The following ZC3H7A variants were observed in gnomAD, a reference collection of about 807,000 sequenced individuals.
The protein encoded by ZC3H7A is zinc finger CCCH domain-containing protein 7A.
A neutral mutation model predicts 125.5 loss-of-function variants in ZC3H7A; 44 were observed. The ratio of observed to expected loss-of-function variants is 0.35; its 90% confidence interval spans 0.28 to 0.45. The LOEUF is 0.45. ZC3H7A is among the 20% of genes least tolerant of loss of function. The probability of loss-of-function intolerance (pLI) is 1.00; values close to 1 mark genes in which losing one functional copy is unlikely to be tolerated. For missense variants in ZC3H7A, 977 were observed against 1,170.7 expected, an observed-to-expected ratio of 0.83 and a Z score of 2.41; for synonymous variants, 399 against 391.2, an observed-to-expected ratio of 1.02 and a Z score of -0.23.
chr16:11,768,923 A>T, intron 11 of ZC3H7A, 108 bp downstream of exon 11: 1 of 1,115,070 alleles, frequency 9.0e-7, no homozygotes, highest in South Asian at 1.6e-5. Flanking sequence ...TTCCTGCAGC[A>T]CACACAAAAT....
intron 16 of ZC3H7A, 38 bp downstream of exon 16, chr16:11,763,440 C>T (rs2052788116): frequency 6.4e-7 from 1 of 1,561,206 alleles, no homozygotes; most frequent in Non-Finnish European, 8.7e-7. Context: ...CCTGTCTGCT[C>T]TTGAGGAGAC....
chr16:11,762,738 T>G lies in ZC3H7A; in HGVS notation c.2012A>C (p.His671Pro), dbSNP rs1396017266. The G allele has an allele frequency of 1.2e-6, 2 of 1,613,830 alleles. No individual in the cohort carries two copies. The highest frequency in any genetic ancestry group is 1.7e-6 in the Non-Finnish European group (2 of 1,179,982). The stretch of plus-strand genomic sequence containing the variant: ...TTTAGACTCTTGAGCAATAGCATCA[T>G]GTGAGATACCTGGGGAATGTACAAG... ...WIMQNETGIS[H>P]DAIAQESKRY... Residue 671 changes from histidine to proline, a missense_variant, in exon 17 of 23, where the codon CAT becomes CCT. Physicochemically the swap from His to Pro is moderately conservative, Grantham distance 77. Coordinates refer to ENST00000355758, the MANE Select transcript of ZC3H7A (RefSeq NM_014153.4).
At chr16:11,786,032 G>C (rs1363329029) in intron 1 of ZC3H7A, among the ~76,000 whole-genome samples, 1 of 152,190 alleles carries the variant, frequency 6.6e-6, no homozygotes, top group African/African-American at 2.4e-5. Context: ...AGAAGACTGA[G>C]GCTGGAAAAG....
At chr16:11,782,517 G>T in intron 1 of ZC3H7A, 129 bp from the exon 2 acceptor site, 1 of 744,774 alleles carries the variant, frequency 1.3e-6, no homozygotes, top group Non-Finnish European at 2.2e-6. Flanking sequence ...TGACTCCAGG[G>T]TCCTGGACGG....
chr16:11,760,122 G>GAAAAAAAAAAAAAAAT (rs2052723192), intron 19 of ZC3H7A, among the ~76,000 whole-genome samples: 1 of 82,532 alleles, frequency 1.2e-5, no homozygotes, highest in Non-Finnish European at 2.1e-5. Context: ...AAGAAAAAAT[G>GAAAAAAAAAAAAAAAT]AAAAAAAAAA....
chr16:11,768,637 C>T (rs1458519846), intron 11 of ZC3H7A, 136 bp from the exon 12 acceptor site: 1 of 754,030 alleles, frequency 1.3e-6, no homozygotes, highest in Non-Finnish European at 1.9e-6. Context: ...ATCCTTAATG[C>T]TCTTCTATCT....
rs990318293 is a variant in ZC3H7A at position 11,750,715 on chromosome 16, G to C, written c.*602C>G. The C allele has an allele frequency of 6.6e-6, 1 of 152,526 alleles. No homozygotes were observed. Among genetic ancestry groups the C allele is most frequent in the African/African-American group, 2.4e-5 (1 of 41,348 alleles). 9.4% of individuals were successfully genotyped at this position (152,526 alleles called of 1,614,324 possible). On this transcript the variant is annotated 3_prime_UTR_variant, in exon 23 of 23. Transcript: ENST00000355758. The stretch of plus-strand genomic sequence containing the variant: ...AGCAAAAGACCAAGAAATAAAATTT[G>C]AGTCAATTATTTTTCAAAATATTCT...
At chr16:11,762,902 A>C (rs1049330145) in intron 16 of ZC3H7A, 155 bp from the exon 17 acceptor site, 1 of 631,274 alleles carries the variant, frequency 1.6e-6, no homozygotes, top group African/African-American at 1.8e-5. Flanking sequence ...CTCTTTTTTG[A>C]AATGGAATAT....
Position 11,774,456 on chromosome 16 carries a change from T to C in ZC3H7A, c.683A>G (p.His228Arg), listed in dbSNP as rs764616782. 1.9e-6 allele frequency: 3 copies of C among 1,589,390 alleles called. No homozygotes were observed. Among genetic ancestry groups the C allele is most frequent in the Admixed American group, 3.5e-5 (2 of 57,040 alleles). The change falls in exon 9 of 23, where the codon CAT becomes CGT. Residue 228 changes from histidine to arginine, a missense_variant. His to Arg is a conservative substitution (Grantham distance 29). Around this residue, in one of 3 missense-constraint regions of ZC3H7A, gnomAD observed 342 missense variants for 311.3 expected, o/e 1.10. Transcript: ENST00000355758. ...VVSLPAPSFS[H>R]EVGSELASVP... ...TGAGGCCAGCTCACTTCCAACTTCA[T>C]GAGAAAAACTGGGTGCCGGTAAAGA...
intron 1 of ZC3H7A, among the ~76,000 whole-genome samples, chr16:11,786,001 A>T (rs1005108550): frequency 1.3e-5 from 2 of 152,198 alleles, no homozygotes; most frequent in Non-Finnish European, 2.9e-5. Flanking sequence ...AGATGGAATC[A>T]TGGGAGACTA....
chr16:11,768,950 T>A, intron 11 of ZC3H7A, 81 bp downstream of exon 11: 2 of 1,391,810 alleles, frequency 1.4e-6, no homozygotes, highest in Non-Finnish European at 2.0e-6. Flanking sequence ...GAGACTGTCA[T>A]GTTCATTCAA....
intron 1 of ZC3H7A, among the ~76,000 whole-genome samples, chr16:11,785,712 C>T (rs576827550): frequency 6.6e-6 from 1 of 152,190 alleles, no homozygotes; most frequent in African/African-American, 2.4e-5. Context: ...CTCCGCCTCC[C>T]GGCATCACAC....
chr16:11,782,601 CTTT>C (rs896160381), intron 1 of ZC3H7A: 1,033 of 130,276 alleles, frequency 7.9e-3, no homozygotes, highest in South Asian at 0.026. Context: ...TTTTCATATT[CTTT>C]TTTTTTTTTT....
chr16:11,765,187 T>C lies in ZC3H7A; in HGVS notation c.1720-34A>G, dbSNP rs757040714. ...GAGAGAGAAAGATTATCAAAAAAAA[T>C]ACAAAATATAAATTTTGTACCCAGA... is the stretch of plus-strand genomic sequence containing the variant. On this transcript the variant is annotated intron_variant, in intron 14 of 22. Coordinates refer to ENST00000355758, the MANE Select transcript of ZC3H7A (RefSeq NM_014153.4). The surrounding 1 kb of genome is among the most constrained non-coding windows in gnomAD (Gnocchi z 4.8). 2.0e-5 allele frequency: 26 copies of C among 1,322,468 alleles called. No homozygotes were observed. Among genetic ancestry groups the C allele is most frequent in the Non-Finnish European group, 2.6e-5 (25 of 966,224 alleles). The allele number at this position is 1,322,468 out of a possible 1,614,324, so 81.9% of individuals were successfully genotyped here. A position where few individuals can be genotyped will look rare whatever the true frequency, so the allele number is the denominator to read the frequency against.
intron 1 of ZC3H7A, among the ~76,000 whole-genome samples, chr16:11,788,999 T>C (rs1263150195): frequency 5.9e-5 from 9 of 151,834 alleles, no homozygotes; most frequent in Non-Finnish European, 1.2e-4. Context: ...TGCATAATAC[T>C]ACACACACAC....
At chr16:11,792,820 G>C (rs2053375221) in intron 1 of ZC3H7A, among the ~76,000 whole-genome samples, 1 of 152,228 alleles carries the variant, frequency 6.6e-6, no homozygotes, top group Non-Finnish European at 1.5e-5. Context: ...GACGCCTGGA[G>C]GGGAGTGAGC....
chr16:11,770,616 C>CT (rs1290837086), intron 10 of ZC3H7A, among the ~76,000 whole-genome samples, 167 bp downstream of exon 10: 2 of 152,210 alleles, frequency 1.3e-5, no homozygotes, highest in African/African-American at 2.4e-5. Flanking sequence ...AATGGCACAG[C>CT]TAAGTCAAGG....
chr16:11,751,513 G>T lies in ZC3H7A; in HGVS notation c.2727-7C>A. On this transcript the variant is annotated splice_polypyrimidine_tract_variant and splice_region_variant and intron_variant, in intron 22 of 22. Transcript: ENST00000355758. Reference sequence around the variant, plus strand: ...GCAGGTGCCATTCATATACCTGTAAGGAGAAGTCAGCTGCTCAGTGTCCAT... The same window carrying T: ...GCAGGTGCCATTCATATACCTGTAATGAGAAGTCAGCTGCTCAGTGTCCAT... The T allele has an allele frequency of 6.8e-6, 11 of 1,610,212 alleles. No homozygotes were observed. The highest frequency in any genetic ancestry group is 9.3e-6 in the Non-Finnish European group (11 of 1,178,652).
intron 2 of ZC3H7A, among the ~76,000 whole-genome samples, 176 bp downstream of exon 2, chr16:11,782,111 G>A (rs1329285137): frequency 1.3e-5 from 2 of 152,126 alleles, no homozygotes; most frequent in Non-Finnish European, 2.9e-5. Flanking sequence ...ACTTGCTTCC[G>A]AATGCAAGAA....
Sources: allele counts gnomAD v4.1 joint callset (sites outside exome capture counted in the v4.1 genomes callset), GRCh38; gene constraint gnomAD v4.1.1; regional missense constraint gnomAD v4.1.1; non-coding constraint Gnocchi (gnomAD v3.1); transcripts MANE v1.5; gene names NCBI Gene and HGNC (gene_info 2026-07-23, HGNC 2026-07-21).